LINS1: variants seen among roughly 807,000 people sequenced by gnomAD.
LINS1 encodes the protein protein Lines homolog 1.
Under a neutral mutation model 41.6 loss-of-function variants are expected in LINS1, and 27 were observed. The ratio of observed to expected loss-of-function variants is 0.65; its 90% CI spans 0.48 to 0.89. LINS1 has a LOEUF of 0.89. Ranked by LOEUF, LINS1 falls within the 40% of genes least tolerant of loss-of-function variation. The probability of loss-of-function intolerance (pLI) is 0.00; values close to 1 mark genes in which losing one functional copy is unlikely to be tolerated. For missense variants in LINS1, 955 were observed against 884.1 expected (o/e 1.08, Z -1.02); for synonymous variants, 336 against 312.9 (o/e 1.07, Z -0.78).
intron 1 of LINS1, among the ~76,000 whole-genome samples, chr15:100,595,923 C>T (rs1432604076): frequency 6.6e-6 from 1 of 152,222 alleles, no homozygotes; most frequent in Non-Finnish European, 1.5e-5. Flanking sequence ...CGAAACTGCA[C>T]TTTTCACAGA....
chr15:100,569,347 G>T lies in LINS1; in HGVS notation c.2165C>A (p.Ala722Asp). 6.2e-7 allele frequency: 1 copy of T among 1,614,064 alleles called. No individual in the cohort carries two copies. The highest frequency in any genetic ancestry group is 8.5e-7 in the Non-Finnish European group (1 of 1,179,976). Reference sequence around the variant, plus strand: ...ATTTTTCTTTTGCAAACGGCAGATGGCATCTTGTAGTTCCTGGAAGCATTT... The same window carrying T: ...ATTTTTCTTTTGCAAACGGCAGATGTCATCTTGTAGTTCCTGGAAGCATTT... Reference protein sequence around the residue: ...IVKCFQELQDAICRLQKKNLF... With the variant: ...IVKCFQELQDDICRLQKKNLF... Residue 722 changes from alanine to aspartate, a missense_variant, in exon 7 of 7, where the codon GCC becomes GAC. By Grantham distance (126) the Ala-to-Asp change is moderately radical. Coordinates refer to ENST00000314742, the MANE Select transcript of LINS1 (RefSeq NM_001040616.3).
rs529598827 is a variant in LINS1, at chr15:100,597,609, T to C, written c.-104+4512A>G. Among the ~76,000 whole-genome samples, 5 of 152,388 alleles carry C rather than the reference T, an allele frequency of 3.3e-5. No homozygotes were observed. The South Asian group carries it at 1.0e-3, about 32-fold the overall frequency. ...AAATTATCCAGTGTATCAATATGAA[T>C]ACTTTTCTATACTTAGTTGCTAAAT... On this transcript the variant is annotated intron_variant, in intron 1 of 6. Transcript: ENST00000314742.
chr15:100,570,740 C>G (rs1373163407), intron 6 of LINS1: 1 of 152,198 alleles, frequency 6.6e-6, no homozygotes, highest in Non-Finnish European at 1.5e-5. Context: ...TACCTGACTC[C>G]AACTTGACCC....
intron 1 of LINS1, among the ~76,000 whole-genome samples, chr15:100,589,872 C>T (rs2038959404): frequency 6.6e-6 from 1 of 152,200 alleles, no homozygotes. Context: ...AGTGTATTTT[C>T]ACTAGGTACA....
chr15:100,578,539 G>A (rs1331638088), intron 3 of LINS1, among the ~76,000 whole-genome samples: 1 of 152,156 alleles, frequency 6.6e-6, no homozygotes, highest in Non-Finnish European at 1.5e-5. Context: ...GTGCTGGAGA[G>A]GATGGGGAAA....
At chr15:100,578,063 TA>T (rs1413106041) in intron 3 of LINS1, among the ~76,000 whole-genome samples, 1 of 152,034 alleles carries the variant, frequency 6.6e-6, no homozygotes, top group Non-Finnish European at 1.5e-5. Flanking sequence ...CTTAAAACCA[TA>T]AAAACCCTAG....
rs2037737266 is a variant in LINS1, at chr15:100,570,064, T to C, written c.1448A>G (p.His483Arg). The C allele has an allele frequency of 2.5e-6, 4 of 1,576,376 alleles. No homozygotes were observed. The highest frequency in any genetic ancestry group is 3.6e-5 in the Admixed American group (2 of 55,388). Residue 483 changes from histidine to arginine, a missense_variant, in exon 7 of 7, where the codon CAC (histidine) becomes CGC (arginine). Coordinates refer to ENST00000314742, the MANE Select transcript of LINS1 (RefSeq NM_001040616.3). ...LTQGKEMWDH[H>R]THENGYNPHC... ...AGGATTATAGCCATTTTCATGTGTGTGATGGTCCCACATTTCTTTTCCCTG... is the reference window on the plus strand; with the variant it reads ...AGGATTATAGCCATTTTCATGTGTGCGATGGTCCCACATTTCTTTTCCCTG...
chr15:100,580,398 A>T, intron 2 of LINS1, 46 bp from the exon 3 acceptor site: 1 of 1,606,336 alleles, frequency 6.2e-7, no homozygotes, highest in Non-Finnish European at 8.5e-7. Flanking sequence ...GAATGTTCTT[A>T]AAATTATTTT....
intron 1 of LINS1, among the ~76,000 whole-genome samples, chr15:100,583,996 G>T (rs1257732103): frequency 1.3e-5 from 2 of 149,692 alleles, no homozygotes; most frequent in Non-Finnish European, 2.9e-5. Flanking sequence ...AGCAACAAAT[G>T]GAATTATTTT....
rs1567089510 is a variant in LINS1 at position 100,580,858 on chromosome 15, GTATCT to G, written c.-21_-17del. 1 of 1,606,566 alleles carries G rather than the reference GTATCT, an allele frequency of 6.2e-7. No homozygotes were observed. The highest frequency in any genetic ancestry group is 1.7e-5 in the Admixed American group (1 of 59,378). ...AAACTTTCATTTTGACTTCCAAAAT[GTATCT>G]TATAAGAAGGTCGACAACTCCAAGT... On this transcript the variant is annotated 5_prime_UTR_variant, in exon 2 of 7. Transcript: ENST00000314742.
intron 1 of LINS1, among the ~76,000 whole-genome samples, chr15:100,587,181 AAC>A (rs1491495567): frequency 6.1e-4 from 90 of 147,156 alleles, no homozygotes; most frequent in African/African-American, 1.9e-3. Context: ...AAAAAAAAAA[AAC>A]ATTAGCAGTT....
At chr15:100,571,075 T>G (rs1307746311) in intron 6 of LINS1, among the ~76,000 whole-genome samples, 1 of 152,198 alleles carries the variant, frequency 6.6e-6, no homozygotes, top group Non-Finnish European at 1.5e-5. Flanking sequence ...TCAAATCACA[T>G]GCAGGAATTT....
At chr15:100,586,206 T>G (rs1339668150) in intron 1 of LINS1, 2 of 152,252 alleles carry the variant, frequency 1.3e-5, no homozygotes, top group African/African-American at 4.8e-5. Context: ...AGAATGCAAC[T>G]GTTTGTCTCT....
At chr15:100,593,383 T>C (rs774220580) in intron 1 of LINS1, among the ~76,000 whole-genome samples, 31 of 152,340 alleles carry the variant, frequency 2.0e-4, no homozygotes, top group Middle Eastern at 6.8e-3. Flanking sequence ...TTAAGTTCTG[T>C]AAACTATTTG....
intron 1 of LINS1, among the ~76,000 whole-genome samples, chr15:100,590,974 T>C (rs1596957573): frequency 6.6e-6 from 1 of 151,722 alleles, no homozygotes; most frequent in South Asian, 2.1e-4. Flanking sequence ...AGGACAGGAG[T>C]TTGAGACCAG....
At chr15:100,601,641 A>G (rs2039500441) in intron 1 of LINS1, among the ~76,000 whole-genome samples, 1 of 151,898 alleles carries the variant, frequency 6.6e-6, no homozygotes, top group Admixed American at 6.6e-5. Context: ...TCCCTATCTG[A>G]TAATTTTGTG....
At position 100,580,527 on chromosome 15, in the gene LINS1, C is replaced by A. The variant is rs1399565541; in HGVS notation, c.316G>T (p.Val106Phe). 1.9e-6 allele frequency: 3 copies of A among 1,613,908 alleles called. No individual in the cohort carries two copies. The highest frequency in any genetic ancestry group is 2.5e-6 in the Non-Finnish European group (3 of 1,179,954). The change falls in exon 2 of 7, where the codon GTC (valine) becomes TTC (phenylalanine). Residue 106 changes from valine to phenylalanine, a missense_variant. By Grantham distance (50) the Val-to-Phe change is conservative. Transcript: ENST00000314742. ...IKVMTTRILS[V>F]KTEFHAKEQY... ...TCCTTTGCATGGAACTCGGTTTTGA[C>A]AGACAATATCCGGGTTGTCATCACT...
At chr15:100,582,737 G>T (rs1382970768) in intron 1 of LINS1, among the ~76,000 whole-genome samples, 20 of 144,218 alleles carry the variant, frequency 1.4e-4, no homozygotes, top group East Asian at 4.2e-4. Context: ...CTTATACTGG[G>T]TCTTCCATCT....
In LINS1 at chr15:100,580,916, T is replaced by C; in HGVS notation, c.-74A>G. 5 of 1,377,562 alleles carry C rather than the reference T, an allele frequency of 3.6e-6. No homozygotes were observed. Among genetic ancestry groups the C allele is most frequent in the Non-Finnish European group, 5.0e-6 (5 of 995,902 alleles). 85.3% of individuals were successfully genotyped at this position (1,377,562 alleles called of 1,614,324 possible). A position where few individuals can be genotyped will look rare whatever the true frequency, so the allele number is the denominator to read the frequency against. On this transcript the variant is annotated 5_prime_UTR_variant, in exon 2 of 7. Coordinates refer to ENST00000314742, the MANE Select transcript of LINS1 (RefSeq NM_001040616.3). Reference sequence around the variant, plus strand: ...TAAACATTAAATCTCAGAAGTGCAATGAATCTCTAAGAAGTTTCTTCAGTG... The same window carrying C: ...TAAACATTAAATCTCAGAAGTGCAACGAATCTCTAAGAAGTTTCTTCAGTG...
Sources: allele counts gnomAD v4.1 joint callset (sites outside exome capture counted in the v4.1 genomes callset), GRCh38; gene constraint gnomAD v4.1.1; transcripts MANE v1.5; gene names NCBI Gene and HGNC (gene_info 2026-07-23, HGNC 2026-07-21).